Variants in NBPF20 observed in about 807,000 individuals in gnomAD.
NBPF20 encodes the protein NBPF family member NBPF20.
A neutral mutation model predicts 68.1 loss-of-function variants in NBPF20; 90 were observed. The observed-to-expected ratio is 1.32, with a 90% CI of 1.11 to 1.58. The LOEUF (loss-of-function observed/expected upper bound fraction) is 1.58, where lower values mean the gene tolerates loss of function less well. Ranked by LOEUF, NBPF20 falls within the 40% of genes most tolerant of loss-of-function variation. The probability of loss-of-function intolerance (pLI) is 0.00; values close to 1 mark genes in which losing one functional copy is unlikely to be tolerated. For missense variants in NBPF20, 816 were observed against 601.2 expected, an observed-to-expected ratio of 1.36 and a Z score of -3.74; for synonymous variants, 290 against 228.1, an observed-to-expected ratio of 1.27 and a Z score of -2.45.
At chr1:145,397,812 C>T (rs1449742142) in intron 7 of NBPF20, among the ~76,000 whole-genome samples, 13 of 152,094 alleles carry the variant, frequency 8.5e-5, no homozygotes, top group Admixed American at 5.2e-4. Context: ...GAGTCAAGTC[C>T]CATCAGTGTG....
chr1:145,413,498 A>G, the NBPF20 span, among the ~76,000 whole-genome samples: 9 of 152,308 alleles, frequency 5.9e-5, no homozygotes, highest in African/African-American at 1.9e-4. Context: ...TTGACACACA[A>G]AACAAGATGG....
At chr1:145,292,410 C>T (rs781798065) in exon 137 of NBPF20, 8 of 688,844 alleles carry the variant, frequency 1.2e-5, no homozygotes, top group African/African-American at 4.0e-5. Flanking sequence ...GATCTTCTTC[C>T]CCTTCTTTTC....
exon 3 of NBPF20, chr1:145,403,299 G>T (rs1553665967): frequency 6.2e-7 from 1 of 1,609,230 alleles, no homozygotes; most frequent in Non-Finnish European, 8.5e-7. Context: ...ATTTTATGAG[G>T]TCTTTGCACT....
At chr1:145,419,955 C>G in the NBPF20 span, among the ~76,000 whole-genome samples, 1 of 151,938 alleles carries the variant, frequency 6.6e-6, no homozygotes, top group Non-Finnish European at 1.5e-5. Context: ...AAAGTGGCCT[C>G]TCTTTTAACC....
intron 43 of NBPF20, among the ~76,000 whole-genome samples, 179 bp from the exon 49 acceptor site, chr1:145,366,531 G>T (rs1661696129): frequency 2.2e-5 from 2 of 89,302 alleles, no homozygotes; most frequent in South Asian, 3.7e-4. Flanking sequence ...GGAAAAGAAT[G>T]AAAGAGAAAG....
the NBPF20 span, among the ~76,000 whole-genome samples, chr1:145,419,693 C>T: frequency 6.6e-6 from 1 of 152,096 alleles, no homozygotes; most frequent in African/African-American, 2.4e-5. Context: ...GAGAAGGATA[C>T]AAACAGGCCA....
At chr1:145,404,842 G>C (rs1553666599) in intron 2 of NBPF20, among the ~76,000 whole-genome samples, 1 of 150,676 alleles carries the variant, frequency 6.6e-6, no homozygotes. Flanking sequence ...GGAGAAAACA[G>C]GTCGTTCTGT....
intron 3 of NBPF20, among the ~76,000 whole-genome samples, chr1:145,402,639 T>C (rs1420100088): frequency 6.6e-6 from 1 of 151,214 alleles, no homozygotes; most frequent in African/African-American, 2.4e-5. Flanking sequence ...GTAGGTGTCT[T>C]CCTAATTCCG....
rs1305588400 is a variant in NBPF20 at position 145,393,578 on chromosome 1, A to G, written c.1043+306T>C. The G allele has an allele frequency of 7.7e-6, 5 of 647,484 alleles. No homozygotes were observed. In the East Asian group the frequency reaches 8.1e-5, roughly 11 times the overall value. The allele number at this position is 647,484 out of a possible 1,614,324, so 40.1% of individuals were successfully genotyped here. The stretch of plus-strand genomic sequence containing the variant: ...TTTGTGCTCTCAGGACACACTGTGA[A>G]CAGTGATCATGAAAAGCATGTCCTC... On this transcript the variant is annotated intron_variant, in intron 9 of 137. Transcript: ENST00000369373.
In NBPF20 at chr1:145,291,739, C is replaced by T. The variant is rs374505350; in HGVS notation, c.16728G>A (p.Glu5576=). ...CCAGTGAGTCCTGTAAGACTTCAGG[C>T]TCTTCCACTTCCATCAGCACGCCGT... Residue 5576 remains glutamate, a synonymous_variant, in exon 138 of 138, where the codon GAG becomes GAA. Coordinates refer to ENST00000369373, the Ensembl canonical transcript of NBPF20. 3.3e-4 allele frequency: 538 copies of T among 1,611,940 alleles called. 7 individuals are homozygous for T. The East Asian group carries it at 9.5e-3, about 28-fold the overall frequency.
At chr1:145,423,691 C>A in the NBPF20 span, among the ~76,000 whole-genome samples, 23 of 150,530 alleles carry the variant, frequency 1.5e-4, no homozygotes, top group African/African-American at 5.6e-4. Flanking sequence ...ATCTCAATAC[C>A]AGGAAAATGC....
upstream of NBPF20, among the ~76,000 whole-genome samples, chr1:145,409,415 A>C (rs1662921932): frequency 6.6e-6 from 1 of 150,924 alleles, no homozygotes; most frequent in Admixed American, 6.6e-5. Context: ...TGAGTGGTTC[A>C]ATTAAATATT....
Position 145,402,591 on chromosome 1 carries a change from G to A in NBPF20, c.279-210C>T, listed in dbSNP as rs1239728033. On this transcript the variant is annotated intron_variant, in intron 3 of 137. Coordinates refer to ENST00000369373, the Ensembl canonical transcript of NBPF20. ...CAGAGAGGGCTCTTGCAAGATCCTCGATGATGTTCCATTCATCTTTCCCTT... is the reference window on the plus strand; with the variant it reads ...CAGAGAGGGCTCTTGCAAGATCCTCAATGATGTTCCATTCATCTTTCCCTT... 3.9e-4 allele frequency among the ~76,000 whole-genome samples: 59 copies of A among 151,958 alleles called. 1 individual carries two copies. In the East Asian group the frequency reaches 4.8e-3, roughly 12 times the overall value.
At chr1:145,417,372 T>C in the NBPF20 span, among the ~76,000 whole-genome samples, 1 of 145,114 alleles carries the variant, frequency 6.9e-6, no homozygotes, top group Non-Finnish European at 1.5e-5. Flanking sequence ...AGAGATAAAA[T>C]AGGAGAAAAT....
At chr1:145,412,620 TAAAGTGATACGAAG>T in the NBPF20 span, among the ~76,000 whole-genome samples, 1 of 150,928 alleles carries the variant, frequency 6.6e-6, no homozygotes, top group Non-Finnish European at 1.5e-5. Flanking sequence ...CATCATCATT[TAAAGTGATACGAAG>T]AAAACTCAGC....
rs1372027332 is a variant in NBPF20, at chr1:145,392,896, A to T, written c.1216+178T>A. ...ACTAGGAAGAGAGCCTTGCTCACTG[A>T]CCCATCCCTTGTCTGGGCTTCCAAG... is the stretch of plus-strand genomic sequence containing the variant. On this transcript the variant is annotated intron_variant, in intron 10 of 137. Coordinates refer to ENST00000369373, the Ensembl canonical transcript of NBPF20. 2.2e-5 allele frequency among the ~76,000 whole-genome samples: 2 copies of T among 90,754 alleles called. 1 individual carries two copies. The highest frequency in any genetic ancestry group is 1.4e-4 in the African/African-American group (2 of 14,136). 59.5% of individuals were successfully genotyped at this position (90,754 alleles called of 152,430 possible).
chr1:145,292,806 A>G (rs1435881165), intron 136 of NBPF20, among the ~76,000 whole-genome samples: 1 of 77,782 alleles, frequency 1.3e-5, no homozygotes, highest in Non-Finnish European at 2.3e-5. Context: ...TCTAGGAGAA[A>G]AACTGCAATA....
At chr1:145,406,069 C>T (rs1662764857), upstream of NBPF20, among the ~76,000 whole-genome samples, 1 of 150,578 alleles carries the variant, frequency 6.6e-6, no homozygotes, top group Non-Finnish European at 1.5e-5. Flanking sequence ...CAGGCACCCG[C>T]CACCACGCCC....
intron 8 of NBPF20, 129 bp from the exon 14 acceptor site, chr1:145,394,064 A>G: frequency 2.8e-6 from 2 of 706,636 alleles, no homozygotes; most frequent in Non-Finnish European, 5.1e-6. Flanking sequence ...CTTTGAGAGA[A>G]ATATTCCAGT....
Sources: allele counts gnomAD v4.1 joint callset (sites outside exome capture counted in the v4.1 genomes callset), GRCh38; gene constraint gnomAD v4.1.1; transcripts MANE v1.5; gene names NCBI Gene and HGNC (gene_info 2026-07-23, HGNC 2026-07-21).